The following TXNRD1 variants were observed in gnomAD, a reference collection of about 807,000 sequenced individuals.
The protein encoded by TXNRD1 is thioredoxin reductase 1, cytoplasmic.
A neutral mutation model predicts 80.3 loss-of-function variants in TXNRD1; 57 were observed. The ratio of observed to expected loss-of-function variants is 0.71; its 90% CI spans 0.57 to 0.89. The LOEUF (loss-of-function observed/expected upper bound fraction) is 0.89. Among genes scored for constraint, TXNRD1 ranks in the 40% least tolerant of loss-of-function variants. The probability of loss-of-function intolerance (pLI) is 0.00; values close to 1 mark genes in which losing one functional copy is unlikely to be tolerated. For missense variants in TXNRD1, 730 were observed against 803.0 expected (o/e 0.91, Z 1.10); for synonymous variants, 291 against 285.2 (o/e 1.02, Z -0.20).
At position 104,251,538 on chromosome 12, in the gene TXNRD1, C is replaced by G. The variant is rs368547476; in HGVS notation, c.103C>G (p.His35Asp). 32 of 1,613,626 alleles carry G rather than the reference C, an allele frequency of 2.0e-5. No homozygotes were observed. Among genetic ancestry groups the G allele is most frequent in the African/African-American group, 4.0e-5 (3 of 74,914 alleles). ...TCCATTACTTCTAGCTAAAGATCAT[C>G]ACCCTGGTAAAACTTTGCCAGAGAA... ...DGRRRSAKDH[H>D]PGKTLPENPA... is the part of the protein sequence containing the mutation. The change falls in exon 2 of 17, where the codon CAC becomes GAC. Residue 35 changes from histidine (H) to aspartate (D), a missense_variant. Transcript: ENST00000525566.
At chr12:104,327,458 G>T (rs945277605) in intron 12 of TXNRD1, 57 bp from the exon 13 acceptor site, 2 of 1,530,894 alleles carry the variant, frequency 1.3e-6, no homozygotes, top group African/African-American at 1.4e-5. Flanking sequence ...GGAAGATTTT[G>T]TTCTCCTTAA....
intron 10 of TXNRD1, among the ~76,000 whole-genome samples, chr12:104,323,701 G>A (rs1203433305): frequency 2.4e-5 from 3 of 126,904 alleles, no homozygotes; most frequent in African/African-American, 9.3e-5. Flanking sequence ...CCTCCCTCCC[G>A]GACGGGGCGG....
intron 2 of TXNRD1, among the ~76,000 whole-genome samples, chr12:104,252,793 C>G (rs2033157521): frequency 1.4e-5 from 2 of 141,220 alleles, no homozygotes; most frequent in Non-Finnish European, 3.0e-5. Context: ...AGCTCCGTCT[C>G]CCGGGTTCAT....
intron 4 of TXNRD1, chr12:104,305,074 C>A: frequency 2.2e-6 from 2 of 904,366 alleles, no homozygotes; most frequent in Non-Finnish European, 3.2e-6. Context: ...TTTTACTGTG[C>A]AGCATATTTT....
intron 1 of TXNRD1, among the ~76,000 whole-genome samples, chr12:104,223,904 C>T (rs2032411624): frequency 6.6e-6 from 1 of 152,138 alleles, no homozygotes; most frequent in African/African-American, 2.4e-5. Context: ...TTTAGTTACT[C>T]TGGCCCTGGG....
At chr12:104,239,971 G>T (rs1190326917) in intron 1 of TXNRD1, among the ~76,000 whole-genome samples, 1 of 152,124 alleles carries the variant, frequency 6.6e-6, no homozygotes, top group African/African-American at 2.4e-5. Flanking sequence ...TTTATATATT[G>T]CTGGATTCAA....
intron 4 of TXNRD1, among the ~76,000 whole-genome samples, chr12:104,301,376 C>A: frequency 6.6e-6 from 1 of 151,864 alleles, no homozygotes; most frequent in East Asian, 1.9e-4. Context: ...CTCGCTCTGT[C>A]GCCCAGGCTG....
chr12:104,269,421 A>G lies in TXNRD1; in HGVS notation c.304+11342A>G, dbSNP rs545235069. Among the ~76,000 whole-genome samples, 96 of 120,674 alleles carry G rather than the reference A, an allele frequency of 8.0e-4. 1 individual carries two copies. Among genetic ancestry groups the G allele is most frequent in the African/African-American group, 3.1e-3 (94 of 29,976 alleles). The allele number at this position is 120,674 out of a possible 152,430, so 79.2% of individuals were successfully genotyped here. On this transcript the variant is annotated intron_variant, in intron 3 of 16. Transcript: ENST00000525566. ...TTTCTTTTTTTTTTTTTTTTTTGAGACAGGGTTTCACTCTGCCACCCAGGC... is the reference window on the plus strand; with the variant it reads ...TTTCTTTTTTTTTTTTTTTTTTGAGGCAGGGTTTCACTCTGCCACCCAGGC...
chr12:104,243,468 TGTC>T (rs1439370721), intron 1 of TXNRD1, among the ~76,000 whole-genome samples: 1 of 152,218 alleles, frequency 6.6e-6, no homozygotes, highest in African/African-American at 2.4e-5. Context: ...GATGGGGTCT[TGTC>T]AGACCCAAGA....
chr12:104,248,444 C>T (rs2033038954), intron 1 of TXNRD1, among the ~76,000 whole-genome samples: 1 of 152,120 alleles, frequency 6.6e-6, no homozygotes, highest in Admixed American at 6.6e-5. Flanking sequence ...GCCACAACAC[C>T]CAGCTAATTT....
chr12:104,309,659 A>C, intron 4 of TXNRD1: 1 of 764,150 alleles, frequency 1.3e-6, no homozygotes, highest in Non-Finnish European at 2.0e-6. Flanking sequence ...CCAGGAAGTC[A>C]TGCTCTTTGA....
At chr12:104,339,469 CGTT>C in intron 16 of TXNRD1, 196 bp downstream of exon 16, 1 of 764,628 alleles carries the variant, frequency 1.3e-6, no homozygotes, top group East Asian at 2.6e-5. Flanking sequence ...TCCGTCATGT[CGTT>C]AAGTGGTAAA....
At chr12:104,237,354 G>A (rs1003580794) in intron 1 of TXNRD1, among the ~76,000 whole-genome samples, 6 of 152,148 alleles carry the variant, frequency 3.9e-5, no homozygotes, top group African/African-American at 1.4e-4. Flanking sequence ...ACTCCCTTGA[G>A]GGATGGGCTA....
At chr12:104,333,872 A>T (rs1237198360) in intron 14 of TXNRD1, among the ~76,000 whole-genome samples, 1 of 152,202 alleles carries the variant, frequency 6.6e-6, no homozygotes, top group South Asian at 2.1e-4. Flanking sequence ...TTCTTGCCCA[A>T]GTTGTCATTC....
intron 10 of TXNRD1, 97 bp from the exon 11 acceptor site, chr12:104,325,240 A>T: frequency 2.2e-6 from 2 of 890,374 alleles, no homozygotes; most frequent in African/African-American, 1.7e-5. Flanking sequence ...GCACGATTTT[A>T]TATTTTAACT....
chr12:104,248,576 C>T (rs193227884), intron 1 of TXNRD1, among the ~76,000 whole-genome samples: 11 of 152,282 alleles, frequency 7.2e-5, no homozygotes, highest in Admixed American at 1.3e-4. Flanking sequence ...GTGTGAGCCA[C>T]GCGCCTGGCC....
intron 14 of TXNRD1, among the ~76,000 whole-genome samples, 183 bp downstream of exon 14, chr12:104,331,824 G>A (rs578016915): frequency 3.9e-4 from 59 of 152,088 alleles, no homozygotes; most frequent in African/African-American, 1.4e-3. Context: ...CATTCTGTGT[G>A]TGTGTGTGTG....
intron 16 of TXNRD1, 52 bp from the exon 17 acceptor site, chr12:104,348,301 T>C: frequency 6.4e-7 from 1 of 1,567,598 alleles, no homozygotes; most frequent in Non-Finnish European, 8.8e-7. Flanking sequence ...TGTTCCCTGT[T>C]ACCTCATTTG....
At chr12:104,254,644 A>AAAATATATATATAT in intron 2 of TXNRD1, among the ~76,000 whole-genome samples, 16 of 93,632 alleles carry the variant, frequency 1.7e-4, no homozygotes, top group African/African-American at 7.7e-4. Context: ...AAAAAAAAAA[A>AAAATATATATATAT]ATATATATAT....
Sources: allele counts gnomAD v4.1 joint callset (sites outside exome capture counted in the v4.1 genomes callset), GRCh38; gene constraint gnomAD v4.1.1; transcripts MANE v1.5; gene names NCBI Gene and HGNC (gene_info 2026-07-23, HGNC 2026-07-21).